The following TNRC6B variants were observed in gnomAD, a reference collection of about 807,000 sequenced individuals.
TNRC6B encodes the protein trinucleotide repeat-containing gene 6B protein.
A neutral mutation model predicts 203.6 loss-of-function variants in TNRC6B; 52 were observed. The observed-to-expected ratio is 0.26, with a 90% CI of 0.20 to 0.32. TNRC6B has a LOEUF of 0.32. TNRC6B is among the 10% of genes least tolerant of loss of function. The pLI, the probability that TNRC6B is intolerant of heterozygous loss-of-function variation, is 1.00. For synonymous variants in TNRC6B, 838 were observed against 845.7 expected, an observed-to-expected ratio of 0.99 and a Z score of 0.16; for missense variants, 1,923 against 2,286.2, an observed-to-expected ratio of 0.84 and a Z score of 3.24.
chr22:40,270,970 T>C (rs1226424645), intron 6 of TNRC6B, among the ~76,000 whole-genome samples: 1 of 152,244 alleles, frequency 6.6e-6, no homozygotes, highest in Non-Finnish European at 1.5e-5. Flanking sequence ...CGATCTGTGC[T>C]GCCCAGTGAC....
Position 40,331,540 on chromosome 22 carries a change from A to C in TNRC6B, c.*8299A>C. ...CTTCATTCAGGAAGACACAGGGAGG[A>C]GAGATGCTGCTTCTGCGCTTTGCTC... On this transcript the variant is annotated 3_prime_UTR_variant, in exon 23 of 23. Coordinates refer to ENST00000454349, the MANE Select transcript of TNRC6B (RefSeq NM_001162501.2). 2.7e-6 allele frequency: 1 copy of C among 372,980 alleles called. No individual in the cohort carries two copies. The highest frequency in any genetic ancestry group is 2.1e-5 in the African/African-American group (1 of 48,186). 23.1% of individuals were successfully genotyped at this position (372,980 alleles called of 1,614,324 possible). A position where few individuals can be genotyped will look rare whatever the true frequency, so the allele number is the denominator to read the frequency against.
intron 1 of TNRC6B, among the ~76,000 whole-genome samples, chr22:40,085,848 C>G (rs930471120): frequency 6.7e-6 from 1 of 149,168 alleles, no homozygotes; most frequent in Admixed American, 6.7e-5. Context: ...TTTGTTGTTG[C>G]TGTTGTTGTT....
At chr22:40,211,237 C>T (rs568418607) in intron 1 of TNRC6B, among the ~76,000 whole-genome samples, 1 of 152,184 alleles carries the variant, frequency 6.6e-6, no homozygotes, top group South Asian at 2.1e-4. Flanking sequence ...TGTGCCGCCA[C>T]GCCAGCTAAT....
At chr22:40,267,537 AT>A (rs2070498277) in intron 5 of TNRC6B, among the ~76,000 whole-genome samples, 1 of 152,090 alleles carries the variant, frequency 6.6e-6, no homozygotes, top group Non-Finnish European at 1.5e-5. Flanking sequence ...ATTTTTAATG[AT>A]TACCTCTGGA....
intron 4 of TNRC6B, among the ~76,000 whole-genome samples, chr22:40,263,572 A>G (rs1226394392): frequency 6.6e-6 from 1 of 152,180 alleles, no homozygotes; most frequent in Non-Finnish European, 1.5e-5. Context: ...TTATTTTTCT[A>G]TGCCTCCGTA....
chr22:40,102,838 G>C (rs2068251403), intron 1 of TNRC6B, among the ~76,000 whole-genome samples: 1 of 152,086 alleles, frequency 6.6e-6, no homozygotes, highest in South Asian at 2.1e-4. Context: ...CAGCACTTTG[G>C]GAGGCTGAGG....
At chr22:40,223,217 C>A (rs543457188) in intron 1 of TNRC6B, among the ~76,000 whole-genome samples, 2 of 151,996 alleles carry the variant, frequency 1.3e-5, no homozygotes, top group Admixed American at 6.6e-5. Flanking sequence ...CTCGACTCAC[C>A]GCAAACTCTG....
intron 3 of TNRC6B, among the ~76,000 whole-genome samples, chr22:40,252,110 T>A (rs2070203989): frequency 6.6e-6 from 1 of 152,232 alleles, no homozygotes; most frequent in African/African-American, 2.4e-5. Context: ...GATTGTCACA[T>A]TTTTGTTCAT....
At chr22:40,250,249 A>G (rs1247332238) in intron 2 of TNRC6B, among the ~76,000 whole-genome samples, 1 of 152,182 alleles carries the variant, frequency 6.6e-6, no homozygotes. Flanking sequence ...TTCCTTTTGG[A>G]TGTTTTGCTT....
intron 1 of TNRC6B, among the ~76,000 whole-genome samples, chr22:40,206,209 T>G (rs1446009299): frequency 1.3e-5 from 2 of 152,200 alleles, no homozygotes; most frequent in African/African-American, 4.8e-5. Flanking sequence ...AATATCTGAT[T>G]TCTGTATGAG....
chr22:40,293,289 G>A (rs1013525387), intron 12 of TNRC6B, among the ~76,000 whole-genome samples: 18 of 144,600 alleles, frequency 1.2e-4, no homozygotes, highest in African/African-American at 4.5e-4. Flanking sequence ...CTGCCCCCGG[G>A]TTCAAGCAAT....
chr22:40,268,502 GA>G (rs1700919725), intron 5 of TNRC6B, among the ~76,000 whole-genome samples: 1 of 152,172 alleles, frequency 6.6e-6, no homozygotes, highest in Non-Finnish European at 1.5e-5. Context: ...AATGAGGAAG[GA>G]AATGAAGATT....
At chr22:40,119,969 G>A (rs1039967956) in intron 2 of TNRC6B, among the ~76,000 whole-genome samples, 1 of 152,156 alleles carries the variant, frequency 6.6e-6, no homozygotes, top group Non-Finnish European at 1.5e-5. Flanking sequence ...ATGAGAGCAA[G>A]TGAAATAAAG....
rs2044021536 is a variant in TNRC6B at position 40,335,346 on chromosome 22, T to TA, written c.*12109dup. 1 of 151,654 alleles carries TA rather than the reference T, an allele frequency of 6.6e-6. No homozygotes were observed. The highest frequency in any genetic ancestry group is 2.4e-5 in the African/African-American group (1 of 41,260). The allele number at this position is 151,654 out of a possible 1,614,324, so 9.4% of individuals were successfully genotyped here. A position where few individuals can be genotyped will look rare whatever the true frequency, so the allele number is the denominator to read the frequency against. ...TTTTCCTTTTTAGTATAGTGGTACT[T>TA]AAAATCACTGGTTCACTTAAAAAAA... On this transcript the variant is annotated 3_prime_UTR_variant, in exon 23 of 23. Coordinates refer to ENST00000454349, the MANE Select transcript of TNRC6B (RefSeq NM_001162501.2).
chr22:40,271,572 C>T lies in TNRC6B; in HGVS notation c.2965+1292C>T, dbSNP rs2070563667. Reference sequence around the variant, plus strand: ...TCATTATTTCTATTGTGAAATCAGTCGTATCATCATGGGAAATGTAATCTA... The same window carrying T: ...TCATTATTTCTATTGTGAAATCAGTTGTATCATCATGGGAAATGTAATCTA... On this transcript the variant is annotated intron_variant, in intron 6 of 22. Transcript: ENST00000454349. Among the ~76,000 whole-genome samples the T allele has an allele frequency of 2.6e-5, 4 of 152,132 alleles. No individual in the cohort carries two copies. In the South Asian group the frequency reaches 8.3e-4, roughly 32 times the overall value.
At chr22:40,160,486 A>AG (rs1311589474) in intron 4 of TNRC6B, among the ~76,000 whole-genome samples, 1 of 151,868 alleles carries the variant, frequency 6.6e-6, no homozygotes, top group East Asian at 1.9e-4. Context: ...CAAAAAAAAA[A>AG]AAAAAGAGAT....
intron 1 of TNRC6B, among the ~76,000 whole-genome samples, chr22:40,108,370 G>C (rs17001638): frequency 0.057 from 8,688 of 152,262 alleles, 794 homozygotes; most frequent in African/African-American, 0.19. Flanking sequence ...TTGGTTATAG[G>C]TGAGCTGTTA....
chr22:40,113,799 T>C (rs578007954), intron 1 of TNRC6B, among the ~76,000 whole-genome samples: 1 of 152,308 alleles, frequency 6.6e-6, no homozygotes, highest in South Asian at 2.1e-4. Flanking sequence ...CCCCCCTTGC[T>C]TCCTGGGAAG....
intron 3 of TNRC6B, among the ~76,000 whole-genome samples, chr22:40,155,189 T>C (rs2068808807): frequency 6.6e-6 from 1 of 152,130 alleles, no homozygotes; most frequent in South Asian, 2.1e-4. Flanking sequence ...CTTTTGTATA[T>C]GTGCAAAAGC....
Sources: gnomAD v4.1 joint callset for allele counts (sites outside exome capture counted in the v4.1 genomes callset) on GRCh38, gnomAD v4.1.1 for gene constraint, MANE v1.5 for transcripts, NCBI Gene and HGNC (gene_info 2026-07-23, HGNC 2026-07-21) for gene names.